DPP6: variants seen among roughly 807,000 people sequenced by gnomAD.
The protein encoded by DPP6 is dipeptidyl peptidase like 6.
DPP6 carries 69 observed loss-of-function variants against 122.6 expected under a neutral mutation model. That is an observed-to-expected ratio of 0.56 (90% CI 0.46 to 0.69). DPP6 has a LOEUF of 0.69. Among genes scored for constraint, DPP6 ranks in the 30% least tolerant of loss-of-function variants. The pLI, the probability that DPP6 is intolerant of heterozygous loss-of-function variation, is 0.00. For synonymous variants in DPP6, 418 were observed against 433.1 expected, an observed-to-expected ratio of 0.97 and a Z score of 0.43; for missense variants, 928 against 1,116.9, an observed-to-expected ratio of 0.83 and a Z score of 2.41.
intron 18 of DPP6, among the ~76,000 whole-genome samples, chr7:154,872,136 G>T (rs555967456): frequency 6.6e-6 from 1 of 152,270 alleles, no homozygotes; most frequent in African/African-American, 2.4e-5. Context: ...CTGCACAGAG[G>T]CACTGCCATG....
chr7:154,554,513 C>A (rs1019840586), intron 4 of DPP6, among the ~76,000 whole-genome samples: 1 of 152,110 alleles, frequency 6.6e-6, no homozygotes, highest in African/African-American at 2.4e-5. Flanking sequence ...CTTTTCTTCT[C>A]TGCATTTATT....
intron 4 of DPP6, among the ~76,000 whole-genome samples, chr7:154,550,247 A>C (rs1326154317): frequency 6.6e-6 from 1 of 152,186 alleles, no homozygotes; most frequent in Non-Finnish European, 1.5e-5. Context: ...TGAATATCAG[A>C]TGTTCACTTA....
At chr7:154,364,241 A>G (rs1302625178) in intron 1 of DPP6, among the ~76,000 whole-genome samples, 1 of 152,180 alleles carries the variant, frequency 6.6e-6, no homozygotes. Flanking sequence ...ATAGTACATC[A>G]TTTGAAATTC....
At chr7:154,226,832 C>T (rs1800633476) in intron 1 of DPP6, among the ~76,000 whole-genome samples, 1 of 152,162 alleles carries the variant, frequency 6.6e-6, no homozygotes, top group African/African-American at 2.4e-5. Context: ...TGTCAATTGT[C>T]AGTAACGTGC....
intron 1 of DPP6, among the ~76,000 whole-genome samples, chr7:153,951,640 ATTATTTTATT>A (rs999956142): frequency 6.6e-6 from 1 of 152,120 alleles, no homozygotes; most frequent in Non-Finnish European, 1.5e-5. Flanking sequence ...GCGTGGTGAG[ATTATTTTATT>A]TTATTTTATT....
chr7:153,957,918 C>T (rs1795140751), intron 1 of DPP6, among the ~76,000 whole-genome samples: 1 of 152,166 alleles, frequency 6.6e-6, no homozygotes, highest in Non-Finnish European at 1.5e-5. Context: ...AATCCCAGCA[C>T]TTGGGGAGGC....
At chr7:153,799,280 C>G in the DPP6 span, among the ~76,000 whole-genome samples, 2,172 of 152,262 alleles carry the variant, frequency 0.014, 62 homozygotes, top group African/African-American at 0.049. Flanking sequence ...ACTGATTTAT[C>G]TAAATATATA....
At chr7:154,553,683 A>G (rs1346474710) in intron 4 of DPP6, among the ~76,000 whole-genome samples, 1 of 152,170 alleles carries the variant, frequency 6.6e-6, no homozygotes, top group Non-Finnish European at 1.5e-5. Flanking sequence ...AATTATTTCT[A>G]GACTGCATAC....
At chr7:154,757,416 C>T (rs1409457355) in intron 8 of DPP6, among the ~76,000 whole-genome samples, 1 of 152,222 alleles carries the variant, frequency 6.6e-6, no homozygotes, top group Non-Finnish European at 1.5e-5. Context: ...CCCTCTCCTC[C>T]CCCACTGCAG....
chr7:154,330,984 C>T (rs1489056247), intron 1 of DPP6, among the ~76,000 whole-genome samples: 4 of 152,176 alleles, frequency 2.6e-5, no homozygotes, highest in Non-Finnish European at 5.9e-5. Flanking sequence ...AGCTTCTTGG[C>T]CTCCTCTTTA....
chr7:153,764,469 C>T, the DPP6 span, among the ~76,000 whole-genome samples: 1 of 152,184 alleles, frequency 6.6e-6, no homozygotes, highest in East Asian at 1.9e-4. Flanking sequence ...TCTCACTTCT[C>T]CAAGGTTGGG....
intron 1 of DPP6, among the ~76,000 whole-genome samples, chr7:154,029,742 A>G (rs1799132478): frequency 6.6e-6 from 1 of 150,502 alleles, no homozygotes; most frequent in Non-Finnish European, 1.5e-5. Flanking sequence ...GCTACTCGGG[A>G]GGCTGAGGCA....
intron 1 of DPP6, among the ~76,000 whole-genome samples, chr7:153,973,411 C>T (rs375506351): frequency 2.6e-5 from 4 of 152,276 alleles, no homozygotes; most frequent in South Asian, 2.1e-4. Context: ...CAGTAAAATG[C>T]GGCCAAGTAG....
At chr7:154,100,405 C>G (rs1162779505) in intron 1 of DPP6, among the ~76,000 whole-genome samples, 1 of 79,600 alleles carries the variant, frequency 1.3e-5, no homozygotes, top group African/African-American at 6.0e-5. Flanking sequence ...TTGTTTCTCT[C>G]TGCCTCATGC....
chr7:154,371,742 C>T (rs1812694093), intron 1 of DPP6, among the ~76,000 whole-genome samples: 2 of 152,216 alleles, frequency 1.3e-5, no homozygotes, highest in South Asian at 4.1e-4. Flanking sequence ...GGTGTACACC[C>T]GGGCAGATAC....
chr7:153,909,391 G>A (rs931178585), intron 1 of DPP6, among the ~76,000 whole-genome samples: 1 of 151,626 alleles, frequency 6.6e-6, no homozygotes, highest in Non-Finnish European at 1.5e-5. Context: ...ATGCTGCTGG[G>A]TTGTTTTTAT....
At chr7:153,815,687 C>T in the DPP6 span, among the ~76,000 whole-genome samples, 1 of 152,114 alleles carries the variant, frequency 6.6e-6, no homozygotes, top group Non-Finnish European at 1.5e-5. Flanking sequence ...AAAAAGATAA[C>T]CTTGTACAGC....
At chr7:154,197,989 C>T (rs118174226) in intron 1 of DPP6, among the ~76,000 whole-genome samples, 2 of 152,298 alleles carry the variant, frequency 1.3e-5, no homozygotes, top group East Asian at 3.9e-4. Context: ...TCTTTGATGA[C>T]ATCATTGTCA....
chr7:154,739,902 C>T (rs1842740817), intron 8 of DPP6, among the ~76,000 whole-genome samples: 3 of 152,346 alleles, frequency 2.0e-5, no homozygotes, highest in African/African-American at 7.2e-5. Flanking sequence ...AACCGCAAAC[C>T]TCTAGTTCTC....
Sources: gnomAD v4.1 joint callset for allele counts (sites outside exome capture counted in the v4.1 genomes callset) on GRCh38, gnomAD v4.1.1 for gene constraint, MANE v1.5 for transcripts, NCBI Gene and HGNC (gene_info 2026-07-23, HGNC 2026-07-21) for gene names.